ANTXRL: variants seen among roughly 807,000 people sequenced by gnomAD.
ANTXRL encodes the protein anthrax toxin receptor-like.
In ANTXRL, 63 loss-of-function variants were observed where a neutral mutation model predicts 75.4. The observed-to-expected ratio is 0.84, with a 90% CI of 0.68 to 1.03. The LOEUF (loss-of-function observed/expected upper bound fraction) is 1.03, where lower values mean the gene tolerates loss of function less well. Among genes scored for constraint, ANTXRL ranks in the 50% least tolerant of loss-of-function variants. ANTXRL has a pLI of 0.00. For synonymous variants in ANTXRL, 335 were observed against 291.3 expected (o/e 1.15, Z -1.53); for missense variants, 797 against 789.4 (o/e 1.01, Z -0.12).
At chr10:46,323,362 T>C (rs781983944) in intron 16 of ANTXRL, among the ~76,000 whole-genome samples, 1 of 152,194 alleles carries the variant, frequency 6.6e-6, no homozygotes, top group Non-Finnish European at 1.5e-5. Context: ...TTTCCAATAC[T>C]GCACTTACAC....
chr10:46,310,950 C>G (rs1249050309), intron 14 of ANTXRL, among the ~76,000 whole-genome samples: 1 of 152,070 alleles, frequency 6.6e-6, no homozygotes, highest in Non-Finnish European at 1.5e-5. Context: ...GGGTTAGCCT[C>G]TCAGGACTGC....
chr10:46,316,406 C>G (rs1454935546), intron 16 of ANTXRL, among the ~76,000 whole-genome samples: 4 of 152,098 alleles, frequency 2.6e-5, no homozygotes, highest in African/African-American at 7.2e-5. Context: ...GTTAGGTAAC[C>G]CACCCAGGGT....
At chr10:46,326,650 G>T (rs1839227384) in intron 16 of ANTXRL, among the ~76,000 whole-genome samples, 1 of 152,184 alleles carries the variant, frequency 6.6e-6, no homozygotes, top group South Asian at 2.1e-4. Flanking sequence ...GAGTGAGGTG[G>T]GGCTTCAAGC....
intron 5 of ANTXRL, 28 bp downstream of exon 5, chr10:46,296,280 C>T: frequency 6.5e-7 from 1 of 1,534,786 alleles, no homozygotes; most frequent in Non-Finnish European, 8.7e-7. Flanking sequence ...CCCTGGTGGT[C>T]CTGTAGGGGG....
At chr10:46,303,278 C>T (rs1418331251) in intron 10 of ANTXRL, among the ~76,000 whole-genome samples, 1 of 152,194 alleles carries the variant, frequency 6.6e-6, no homozygotes, top group Admixed American at 6.5e-5. Context: ...GGATGCCAGC[C>T]TGTAGGCCTG....
chr10:46,313,922 C>T (rs1468875776), intron 16 of ANTXRL, among the ~76,000 whole-genome samples: 1 of 152,208 alleles, frequency 6.6e-6, no homozygotes, highest in Non-Finnish European at 1.5e-5. Flanking sequence ...CCTTACTCTG[C>T]ACTGCTCTCC....
intron 3 of ANTXRL, among the ~76,000 whole-genome samples, chr10:46,294,713 T>TG (rs1235937551): frequency 6.6e-6 from 1 of 152,042 alleles, no homozygotes; most frequent in Non-Finnish European, 1.5e-5. Flanking sequence ...AGCAAGTCTA[T>TG]GGGGGAGGAC....
In ANTXRL at chr10:46,309,663, T is replaced by C. The variant is rs149490055; in HGVS notation, c.1134+461T>C. Reference sequence around the variant, plus strand: ...AGCTGTCTGTACCTTGAGGAACCAGTGTGGATCTCGGCACATGTCTAGTTC... The same window carrying C: ...AGCTGTCTGTACCTTGAGGAACCAGCGTGGATCTCGGCACATGTCTAGTTC... On this transcript the variant is annotated intron_variant, in intron 13 of 16. Transcript: ENST00000620264. Among the ~76,000 whole-genome samples the C allele has an allele frequency of 2.0e-5, 3 of 152,250 alleles. 1 individual carries two copies. Among genetic ancestry groups the C allele is most frequent in the East Asian group, 3.9e-4 (2 of 5,184 alleles).
chr10:46,302,516 G>A (rs1309390707), intron 9 of ANTXRL, among the ~76,000 whole-genome samples: 2 of 152,116 alleles, frequency 1.3e-5, no homozygotes, highest in Non-Finnish European at 2.9e-5. Context: ...TGTGCTTAAG[G>A]CCCAGCTGCC....
At chr10:46,305,128 T>A (rs1837994103) in intron 10 of ANTXRL, among the ~76,000 whole-genome samples, 1 of 152,032 alleles carries the variant, frequency 6.6e-6, no homozygotes, top group Admixed American at 6.6e-5. Flanking sequence ...GTCCCTGGAG[T>A]GTTGGCCACC....
chr10:46,297,946 A>T (rs1554959445), intron 8 of ANTXRL, 35 bp downstream of exon 8: 14 of 1,535,560 alleles, frequency 9.1e-6, no homozygotes, highest in Middle Eastern at 1.7e-4. Context: ...GGGGACCTGG[A>T]TCCTTTGGCA....
At chr10:46,307,058 G>C (rs1458142716) in intron 11 of ANTXRL, among the ~76,000 whole-genome samples, 186 bp downstream of exon 11, 1 of 152,086 alleles carries the variant, frequency 6.6e-6, no homozygotes, top group African/African-American at 2.4e-5. Context: ...GGGATCTGCA[G>C]CATCCTAGGG....
At chr10:46,306,140 A>G (rs1240021118) in intron 10 of ANTXRL, among the ~76,000 whole-genome samples, 3 of 152,188 alleles carry the variant, frequency 2.0e-5, no homozygotes, top group African/African-American at 2.4e-5. Context: ...CTCAGCCCCA[A>G]GCACCTTTAC....
chr10:46,313,474 A>C (rs1467248656), intron 16 of ANTXRL, among the ~76,000 whole-genome samples, 158 bp downstream of exon 16: 1 of 152,154 alleles, frequency 6.6e-6, no homozygotes, highest in African/African-American at 2.4e-5. Flanking sequence ...CATCCCAGCC[A>C]GTTTCTGGAC....
intron 14 of ANTXRL, 107 bp downstream of exon 14, chr10:46,310,606 G>A (rs1160279462): frequency 9.6e-6 from 12 of 1,247,896 alleles, no homozygotes; most frequent in Non-Finnish European, 1.4e-5. Context: ...TGCTTGAGCA[G>A]AGAAGTTGAC....
chr10:46,312,118 C>T (rs1838464804), intron 15 of ANTXRL, among the ~76,000 whole-genome samples: 1 of 149,144 alleles, frequency 6.7e-6, no homozygotes, highest in South Asian at 2.1e-4. Flanking sequence ...GTTCTCACCA[C>T]CACGAACACT....
chr10:46,294,858 G>T (rs538339921), intron 3 of ANTXRL, among the ~76,000 whole-genome samples: 2 of 95,774 alleles, frequency 2.1e-5, no homozygotes, highest in African/African-American at 6.5e-5. Context: ...CAGAGCTCCG[G>T]CCATGGCAGG....
At chr10:46,299,352 G>A (rs145827530) in intron 9 of ANTXRL, among the ~76,000 whole-genome samples, 1 of 152,262 alleles carries the variant, frequency 6.6e-6, no homozygotes, top group East Asian at 1.9e-4. Flanking sequence ...TGTCCATGCT[G>A]TCTGAGACGT....
intron 12 of ANTXRL, chr10:46,308,451 T>TCTC (rs1215458202): frequency 2.2e-4 from 49 of 224,454 alleles, no homozygotes; most frequent in Admixed American, 4.4e-4. Context: ...TCCCCTCCCC[T>TCTC]CTCCAGCCTT....
Sources: gnomAD v4.1 joint callset for allele counts (sites outside exome capture counted in the v4.1 genomes callset) on GRCh38, gnomAD v4.1.1 for gene constraint, MANE v1.5 for transcripts, NCBI Gene and HGNC (gene_info 2026-07-23, HGNC 2026-07-21) for gene names.